The following SSBP3 variants were observed in gnomAD, a reference collection of about 807,000 sequenced individuals.
SSBP3 encodes the protein single-stranded DNA-binding protein 3.
A neutral mutation model predicts 69.6 loss-of-function variants in SSBP3; 5 were observed. That is an observed-to-expected ratio of 0.07 (90% CI 0.04 to 0.15). The LOEUF (loss-of-function observed/expected upper bound fraction) is 0.15, where lower values mean the gene tolerates loss of function less well. Among genes scored for constraint, SSBP3 ranks in the 10% least tolerant of loss-of-function variants. The pLI is 1.00. For synonymous variants in SSBP3, 196 were observed against 193.4 expected (o/e 1.01, Z -0.11); for missense variants, 312 against 534.0 (o/e 0.58, Z 4.10).
intron 4 of SSBP3, among the ~76,000 whole-genome samples, chr1:54,306,467 A>G (rs1645903509): frequency 6.6e-6 from 1 of 152,158 alleles, no homozygotes; most frequent in African/African-American, 2.4e-5. Flanking sequence ...GCCCGGCCAC[A>G]CTGCAGCCTC....
At chr1:54,402,600 A>G (rs1426447494) in intron 3 of SSBP3, among the ~76,000 whole-genome samples, 1 of 151,894 alleles carries the variant, frequency 6.6e-6, no homozygotes, top group Non-Finnish European at 1.5e-5. Flanking sequence ...AAAAACACAA[A>G]TCAGTTAGGC....
At chr1:54,383,392 A>G (rs1055219703) in intron 4 of SSBP3, among the ~76,000 whole-genome samples, 2 of 152,262 alleles carry the variant, frequency 1.3e-5, no homozygotes, top group East Asian at 1.9e-4. Context: ...AGGAAAAAAA[A>G]AAAGAAAGAA....
At chr1:54,267,859 C>T (rs750058763) in intron 5 of SSBP3, among the ~76,000 whole-genome samples, 2 of 152,146 alleles carry the variant, frequency 1.3e-5, no homozygotes, top group Non-Finnish European at 2.9e-5. Flanking sequence ...TACCTGCTGC[C>T]CCGCTAAGTC....
chr1:54,343,352 AG>A (rs1005571004), intron 4 of SSBP3, among the ~76,000 whole-genome samples: 1 of 152,210 alleles, frequency 6.6e-6, no homozygotes, highest in African/African-American at 2.4e-5. Flanking sequence ...ATCTGTGAAC[AG>A]GGGTGGTAGT....
At chr1:54,339,645 G>A (rs1646571933) in intron 4 of SSBP3, among the ~76,000 whole-genome samples, 1 of 152,138 alleles carries the variant, frequency 6.6e-6, no homozygotes, top group South Asian at 2.1e-4. Flanking sequence ...GGGCATGGTG[G>A]CTCACACCTA....
At chr1:54,303,630 A>C (rs892795378) in intron 4 of SSBP3, among the ~76,000 whole-genome samples, 1 of 152,152 alleles carries the variant, frequency 6.6e-6, no homozygotes, top group Non-Finnish European at 1.5e-5. Flanking sequence ...CCATGCTACA[A>C]ATCTCGTGCT....
intron 4 of SSBP3, among the ~76,000 whole-genome samples, chr1:54,366,538 C>T (rs1647032114): frequency 6.6e-6 from 1 of 152,148 alleles, no homozygotes; most frequent in Non-Finnish European, 1.5e-5. Flanking sequence ...ACTGAAATGG[C>T]TTTCAGGGCT....
At chr1:54,289,994 T>A (rs1326574198) in intron 4 of SSBP3, among the ~76,000 whole-genome samples, 1 of 152,030 alleles carries the variant, frequency 6.6e-6, no homozygotes, top group African/African-American at 2.4e-5. Flanking sequence ...CAATCCACAG[T>A]CACTACCAGA....
chr1:54,252,872 A>G (rs1234537097), intron 7 of SSBP3, among the ~76,000 whole-genome samples: 1 of 152,192 alleles, frequency 6.6e-6, no homozygotes, highest in African/African-American at 2.4e-5. Context: ...CCTCATCTGC[A>G]GGTGTCAGTG....
At chr1:54,284,176 C>T (rs930983382) in intron 4 of SSBP3, among the ~76,000 whole-genome samples, 1 of 143,412 alleles carries the variant, frequency 7.0e-6, no homozygotes, top group Non-Finnish European at 1.5e-5. Flanking sequence ...TCATGTGATC[C>T]TCCCACCTCA....
At chr1:54,343,954 TG>T (rs1414461968) in intron 4 of SSBP3, among the ~76,000 whole-genome samples, 7 of 152,214 alleles carry the variant, frequency 4.6e-5, no homozygotes, top group Admixed American at 1.3e-4. Context: ...CTCAAGAAAC[TG>T]AGGAAGAGTA....
At chr1:54,340,895 C>T (rs945076979) in intron 4 of SSBP3, among the ~76,000 whole-genome samples, 4 of 152,242 alleles carry the variant, frequency 2.6e-5, no homozygotes, top group African/African-American at 9.6e-5. Context: ...ACAAGGCTGT[C>T]ATTCCACTCC....
Position 54,363,317 on chromosome 1 carries a change from C to G in SSBP3, c.276+38544G>C, listed in dbSNP as rs116082286. Among the ~76,000 whole-genome samples, 1,383 of 152,286 alleles carry G rather than the reference C, an allele frequency of 9.1e-3. 13 individuals are homozygous for G. Among genetic ancestry groups the G allele is most frequent in the South Asian group, 0.048 (230 of 4,822 alleles). On this transcript the variant is annotated intron_variant, in intron 4 of 17. Coordinates refer to ENST00000610401, the Ensembl canonical transcript of SSBP3. ...AGGGTACCCTCTCCCTACCAGCCAT[C>G]TCAAAAGGGAAGACCCACACAGCTC...
intron 9 of SSBP3, among the ~76,000 whole-genome samples, chr1:54,250,542 G>C (rs200392629): frequency 1.4e-4 from 3 of 20,850 alleles, no homozygotes; most frequent in Non-Finnish European, 2.5e-4. Flanking sequence ...GGGCGGGAAT[G>C]GGGGGGGGCA....
At chr1:54,400,188 T>C (rs79641881) in intron 4 of SSBP3, among the ~76,000 whole-genome samples, 9,665 of 152,244 alleles carry the variant, frequency 0.063, 421 homozygotes, top group Middle Eastern at 0.099. Flanking sequence ...ACTCTCAAAT[T>C]TGTAGAGCAC....
In SSBP3 at chr1:54,327,283, G is replaced by C. The variant is rs903419248; in HGVS notation, c.277-45756C>G. ...AAGGAAGGAAGGAAAACAACAACAA[G>C]AACAACAACAAAAAACCCCCCAAAA... On this transcript the variant is annotated intron_variant, in intron 4 of 17. Transcript: ENST00000610401. Among the ~76,000 whole-genome samples the C allele has an allele frequency of 1.7e-3, 240 of 141,326 alleles. 1 individual carries two copies. The highest frequency in any genetic ancestry group is 5.9e-3 in the African/African-American group (217 of 37,018). 92.7% of individuals were successfully genotyped at this position (141,326 alleles called of 152,430 possible).
At chr1:54,365,343 GGTGTGC>G (rs1453301084) in intron 4 of SSBP3, among the ~76,000 whole-genome samples, 1 of 150,176 alleles carries the variant, frequency 6.7e-6, no homozygotes, top group Non-Finnish European at 1.5e-5. Context: ...CCTGAAGAAA[GGTGTGC>G]GTGTGTGTGT....
At chr1:54,232,348 G>A (rs1644394254) in intron 14 of SSBP3, among the ~76,000 whole-genome samples, 1 of 152,132 alleles carries the variant, frequency 6.6e-6, no homozygotes, top group African/African-American at 2.4e-5. Context: ...CCAAGCTAGA[G>A]TGCACTCAAG....
chr1:54,311,883 T>G (rs1441504090), intron 4 of SSBP3, among the ~76,000 whole-genome samples: 2 of 152,154 alleles, frequency 1.3e-5, no homozygotes, highest in Non-Finnish European at 2.9e-5. Context: ...TGGGGACTCC[T>G]TGACCATCTA....
Sources: allele counts gnomAD v4.1 joint callset (sites outside exome capture counted in the v4.1 genomes callset), GRCh38; gene constraint gnomAD v4.1.1; transcripts MANE v1.5; gene names NCBI Gene and HGNC (gene_info 2026-07-23, HGNC 2026-07-21).